RBAK: variants seen among roughly 807,000 people sequenced by gnomAD.
RBAK encodes the protein RB-associated KRAB zinc finger protein.
Under a neutral mutation model 65.8 loss-of-function variants are expected in RBAK, and 39 were observed. The ratio of observed to expected loss-of-function variants is 0.59; its 90% CI spans 0.46 to 0.77. The LOEUF (loss-of-function observed/expected upper bound fraction) is 0.77. RBAK is among the 30% of genes least tolerant of loss of function. The pLI is 0.00. For missense variants in RBAK, 884 were observed against 855.1 expected (o/e 1.03, Z -0.42); for synonymous variants, 343 against 289.7 (o/e 1.18, Z -1.87).
chr7:5,064,296 G>C lies in RBAK; in HGVS notation c.840G>C (p.Gln280His), dbSNP rs1213889561. The C allele has an allele frequency of 6.2e-7, 1 of 1,614,024 alleles. No individual in the cohort carries two copies. Among genetic ancestry groups the C allele is most frequent in the Non-Finnish European group, 8.5e-7 (1 of 1,180,016 alleles). Reference protein sequence around the residue: ...FCKKSKFIIHQRAHTGEKPYE... With the variant: ...FCKKSKFIIHHRAHTGEKPYE... The stretch of plus-strand genomic sequence containing the variant: ...AAAAGTCAAAATTCATCATCCACCA[G>C]AGGGCTCACACAGGAGAGAAACCTT... The change falls in exon 5 of 5, where the codon CAG (glutamine) becomes CAC (histidine). Residue 280 changes from glutamine to histidine, a missense_variant. Coordinates refer to ENST00000396912, the MANE Select transcript of RBAK (RefSeq NM_021163.4). This position sits in a 1 kb window ranked among gnomAD's most constrained non-coding sequence, Gnocchi z 6.3.
chr7:5,057,866 C>A (rs1357293568), intron 4 of RBAK, 87 bp downstream of exon 4: 4 of 1,403,706 alleles, frequency 2.8e-6, no homozygotes, highest in East Asian at 4.6e-5. Flanking sequence ...TATTCAGTAC[C>A]CTCAGTAACA....
rs1778962498 is a variant in RBAK, at chr7:5,057,714, T to C, written c.173T>C (p.Ile58Thr). ...GATACCACCAAGCCAAACGTCATCATTAAGTTGGAGCAGGGAGAGGAGCCG... is the reference window on the plus strand; with the variant it reads ...GATACCACCAAGCCAAACGTCATCACTAAGTTGGAGCAGGGAGAGGAGCCG... ...GYDTTKPNVI[I>T]KLEQGEEPWI... Residue 58 changes from isoleucine to threonine, a missense_variant, in exon 4 of 5, where the codon ATT becomes ACT. By Grantham distance (89) the Ile-to-Thr change is moderately conservative. Transcript: ENST00000396912. 6.2e-7 allele frequency: 1 copy of C among 1,613,964 alleles called. No homozygotes were observed. Among genetic ancestry groups the C allele is most frequent in the Non-Finnish European group, 8.5e-7 (1 of 1,179,846 alleles).
chr7:5,065,298 T>C lies in RBAK; in HGVS notation c.1842T>C (p.His614=). The C allele has an allele frequency of 6.2e-7, 1 of 1,613,856 alleles. No individual in the cohort carries two copies. Among genetic ancestry groups the C allele is most frequent in the Non-Finnish European group, 8.5e-7 (1 of 1,179,902 alleles). ...FSQKSYLTIH[H]RIHSGEKPYE... ...AGAAATCATATCTCACTATACATCA[T>C]CGAATTCATTCAGGAGAGAAACCCT... Residue 614 remains histidine, a synonymous_variant, in exon 5 of 5, where the codon CAT becomes CAC. Coordinates refer to ENST00000396912, the MANE Select transcript of RBAK (RefSeq NM_021163.4). The surrounding 1 kb of genome is among the most constrained non-coding windows in gnomAD (Gnocchi z 5.3).
intron 1 of RBAK, 54 bp from the exon 2 acceptor site, chr7:5,047,979 G>A (rs1788030991): frequency 3.2e-6 from 3 of 935,910 alleles, no homozygotes; most frequent in Non-Finnish European, 4.8e-6. Flanking sequence ...GGAGATTCCT[G>A]CCTTTGCAGG....
chr7:5,059,366 G>A (rs570193672), intron 4 of RBAK, among the ~76,000 whole-genome samples: 5 of 151,634 alleles, frequency 3.3e-5, no homozygotes, highest in Admixed American at 2.0e-4. Flanking sequence ...TGTCGCCCAG[G>A]CTGGAGTGCA....
intron 2 of RBAK, among the ~76,000 whole-genome samples, chr7:5,052,131 C>T (rs1277222136): frequency 6.6e-6 from 1 of 152,194 alleles, no homozygotes; most frequent in East Asian, 1.9e-4. Context: ...TTCCTTATCC[C>T]TGCTAGTATT....
rs1779219638 is a variant in RBAK, at chr7:5,066,433, T to C, written c.*832T>C. On this transcript the variant is annotated 3_prime_UTR_variant, in exon 5 of 5. Coordinates refer to ENST00000396912, the MANE Select transcript of RBAK (RefSeq NM_021163.4). ...AAACTATACATACATAATTTGGAAT[T>C]GTTTAAGTCTATTTCAGTGAAAGAG... is the stretch of plus-strand genomic sequence containing the variant. 1.3e-5 allele frequency: 2 copies of C among 149,132 alleles called. No individual in the cohort carries two copies. Among genetic ancestry groups the C allele is most frequent in the Non-Finnish European group, 3.0e-5 (2 of 67,220 alleles). The allele number at this position is 149,132 out of a possible 1,614,324, so 9.2% of individuals were successfully genotyped here.
intron 2 of RBAK, among the ~76,000 whole-genome samples, chr7:5,056,032 C>G (rs1043806536): frequency 8.6e-5 from 13 of 151,636 alleles, no homozygotes; most frequent in African/African-American, 2.9e-4. Context: ...CGTGCTGGCT[C>G]AAGCCTGTAA....
At position 5,048,329 on chromosome 7, in the gene RBAK, T is replaced by C. The variant is rs1171063559; in HGVS notation, c.15+238T>C. 2.0e-5 allele frequency among the ~76,000 whole-genome samples: 3 copies of C among 152,040 alleles called. No homozygotes were observed. The highest frequency in any genetic ancestry group is 1.9e-4 in the East Asian group (1 of 5,178). On this transcript the variant is annotated intron_variant, in intron 2 of 4. Coordinates refer to ENST00000396912, the MANE Select transcript of RBAK (RefSeq NM_021163.4). This position sits in a 1 kb window ranked among gnomAD's most constrained non-coding sequence, Gnocchi z 4.4. ...CTGGGATTACAGGCGTGCGCCACCA[T>C]GCCCAACTAATTTTTTGTATTTTTA...
chr7:5,055,132 T>C (rs1788199029), intron 2 of RBAK, among the ~76,000 whole-genome samples: 1 of 152,252 alleles, frequency 6.6e-6, no homozygotes, highest in Non-Finnish European at 1.5e-5. Flanking sequence ...TCTTCTCTAA[T>C]TGTAGATAAT....
intron 2 of RBAK, among the ~76,000 whole-genome samples, chr7:5,054,406 A>T (rs1282793720): frequency 1.3e-4 from 12 of 90,022 alleles, no homozygotes; most frequent in African/African-American, 7.9e-4. Context: ...ACTTTGCCTC[A>T]AAAAAAAAAA....
Position 5,064,331 on chromosome 7 carries a change from A to G in RBAK, c.875A>G (p.Asn292Ser). 3 of 1,614,108 alleles carry G rather than the reference A, an allele frequency of 1.9e-6. No homozygotes were observed. The highest frequency in any genetic ancestry group is 2.5e-6 in the Non-Finnish European group (3 of 1,179,992). The change falls in exon 5 of 5, where the codon AAT becomes AGT. Residue 292 changes from asparagine (N) to serine (S), a missense_variant. Asn to Ser is a conservative substitution (Grantham distance 46). Transcript: ENST00000396912. The surrounding 1 kb of genome is among the most constrained non-coding windows in gnomAD (Gnocchi z 6.3). ...AHTGEKPYEC[N>S]VCGKSFSQKG... ...ACAGGAGAGAAACCTTATGAATGTA[A>G]TGTATGTGGGAAATCCTTCAGCCAA...
At position 5,063,860 on chromosome 7, in the gene RBAK, A is replaced by G. The variant is rs75059448; in HGVS notation, c.404A>G (p.His135Arg). 1,551 of 1,613,856 alleles carry G rather than the reference A, an allele frequency of 9.6e-4. 3 individuals carry two copies. The highest frequency in any genetic ancestry group is 1.2e-3 in the Non-Finnish European group (1,386 of 1,179,770). Reference protein sequence around the residue: ...TSLVPSSIIAHNCVSCGKNLE... With the variant: ...TSLVPSSIIARNCVSCGKNLE... ...CTTGTTCCTTCAAGCATAATAGCTC[A>G]TAATTGTGTCTCATGTGGAAAGAAT... Residue 135 changes from histidine (H) to arginine (R), a missense_variant, in exon 5 of 5, where the codon CAT becomes CGT. Transcript: ENST00000396912.
chr7:5,063,071 A>G (rs12671746), intron 4 of RBAK, among the ~76,000 whole-genome samples: 20,284 of 152,252 alleles, frequency 0.13, 1,494 homozygotes, highest in South Asian at 0.22. Context: ...AAAGACAGGC[A>G]TAGGAAATCA....
Sources: gnomAD v4.1 joint callset for allele counts (sites outside exome capture counted in the v4.1 genomes callset) on GRCh38, gnomAD v4.1.1 for gene constraint, Gnocchi (gnomAD v3.1) non-coding constraint, MANE v1.5 for transcripts, NCBI Gene and HGNC (gene_info 2026-07-23, HGNC 2026-07-21) for gene names.